CSMD2: variants seen among roughly 807,000 people sequenced by gnomAD.
The protein encoded by CSMD2 is CUB and sushi domain-containing protein 2.
A neutral mutation model predicts 398.5 loss-of-function variants in CSMD2; 130 were observed. That is an observed-to-expected ratio of 0.33 (90% CI 0.28 to 0.38). CSMD2 has a LOEUF of 0.38. CSMD2 is among the 10% of genes least tolerant of loss of function. The pLI is 1.00. For missense variants in CSMD2, 3,829 were observed against 4,764.9 expected, an observed-to-expected ratio of 0.80 and a Z score of 5.78; for synonymous variants, 1,828 against 1,908.5, an observed-to-expected ratio of 0.96 and a Z score of 1.10.
At chr1:33,754,873 A>G (rs957787699) in intron 13 of CSMD2, among the ~76,000 whole-genome samples, 12 of 152,074 alleles carry the variant, frequency 7.9e-5, no homozygotes, top group Admixed American at 7.9e-4. Flanking sequence ...TGGTGTCTTT[A>G]GTATTTGAAA....
intron 1 of CSMD2, among the ~76,000 whole-genome samples, chr1:34,091,933 C>A: frequency 6.6e-6 from 1 of 151,886 alleles, no homozygotes; most frequent in East Asian, 1.9e-4. Flanking sequence ...AAAGAGGAAG[C>A]AAAATTATGG....
At chr1:33,628,233 A>G (rs1354743317) in intron 32 of CSMD2, among the ~76,000 whole-genome samples, 1 of 152,204 alleles carries the variant, frequency 6.6e-6, no homozygotes, top group Non-Finnish European at 1.5e-5. Flanking sequence ...AAATTTGGGA[A>G]ATTCTCTCAG....
Position 33,533,637 on chromosome 1 carries a change from C to T in CSMD2, c.9991+159G>A, listed in dbSNP as rs1404960265. On this transcript the variant is annotated intron_variant, in intron 63 of 70. Coordinates refer to ENST00000373381, the MANE Select transcript of CSMD2 (RefSeq NM_001281956.2). The surrounding 1 kb of genome is among the most constrained non-coding windows in gnomAD (Gnocchi z 4.2). ...ATCAGAAAGGCTTTTGTGTGGAAGT[C>T]TTCTGTGAGGCCCCAAAGTGTAAGG... 6.6e-6 allele frequency among the ~76,000 whole-genome samples: 1 copy of T among 152,190 alleles called. No individual in the cohort carries two copies. Among genetic ancestry groups the T allele is most frequent in the African/African-American group, 2.4e-5 (1 of 41,458 alleles).
chr1:33,973,832 G>A (rs950823712), intron 3 of CSMD2, among the ~76,000 whole-genome samples: 2 of 152,176 alleles, frequency 1.3e-5, no homozygotes, highest in Admixed American at 6.5e-5. Flanking sequence ...AGTGACCAGG[G>A]CAGAGCTCAG....
intron 68 of CSMD2, among the ~76,000 whole-genome samples, chr1:33,520,973 G>C (rs1369256881): frequency 6.6e-6 from 1 of 152,256 alleles, no homozygotes; most frequent in Non-Finnish European, 1.5e-5. Context: ...GCTAGGTAAA[G>C]AGGCCAGGGA....
At chr1:34,007,482 G>A (rs192906856) in intron 3 of CSMD2, among the ~76,000 whole-genome samples, 16 of 152,260 alleles carry the variant, frequency 1.1e-4, no homozygotes. Flanking sequence ...TTAATATTCA[G>A]TGTTGGGGAG....
intron 22 of CSMD2, among the ~76,000 whole-genome samples, chr1:33,704,751 G>C (rs1468460526): frequency 6.6e-6 from 1 of 151,996 alleles, no homozygotes. Flanking sequence ...AAACCTACTT[G>C]GTCGTCTTTG....
In CSMD2 at chr1:33,633,538, G is replaced by A; in HGVS notation, c.5087-3C>T. ...GAAGGCGAACTGGCCAAACACCACT[G>A]TGGAGGAGACACAGTGTGGGGACTG... On this transcript the variant is annotated splice_polypyrimidine_tract_variant and splice_region_variant and intron_variant, in intron 31 of 70. Coordinates refer to ENST00000373381, the MANE Select transcript of CSMD2 (RefSeq NM_001281956.2). The surrounding 1 kb of genome is among the most constrained non-coding windows in gnomAD (Gnocchi z 5.0). 1 of 1,550,302 alleles carries A rather than the reference G, an allele frequency of 6.5e-7. No homozygotes were observed. Among genetic ancestry groups the A allele is most frequent in the South Asian group, 1.2e-5 (1 of 84,032 alleles).
chr1:33,851,223 G>A (rs1166993603), intron 5 of CSMD2, among the ~76,000 whole-genome samples: 1 of 152,200 alleles, frequency 6.6e-6, no homozygotes, highest in Non-Finnish European at 1.5e-5. Context: ...GATATAGGGA[G>A]TCCCTGAAAA....
At chr1:34,107,659 C>A (rs571829892) in intron 1 of CSMD2, among the ~76,000 whole-genome samples, 1 of 152,176 alleles carries the variant, frequency 6.6e-6, no homozygotes, top group South Asian at 2.1e-4. Flanking sequence ...TGAAGGATGG[C>A]CAATGTAGTA....
intron 25 of CSMD2, among the ~76,000 whole-genome samples, chr1:33,670,085 T>C (rs1644442883): frequency 1.3e-5 from 2 of 152,336 alleles, no homozygotes; most frequent in Admixed American, 6.5e-5. Context: ...TAAATTCTTC[T>C]ACCCCCTGAC....
intron 25 of CSMD2, among the ~76,000 whole-genome samples, chr1:33,669,293 G>T (rs1644414508): frequency 6.6e-6 from 1 of 152,212 alleles, no homozygotes; most frequent in East Asian, 1.9e-4. Context: ...TGGAGAAATT[G>T]AGGGAGAGAA....
At chr1:33,612,848 ATTTT>A (rs927705037) in intron 40 of CSMD2, among the ~76,000 whole-genome samples, 1 of 396 alleles carries the variant, frequency 2.5e-3, no homozygotes, top group Non-Finnish European at 5.2e-3. Context: ...GGCCCAGCTA[ATTTT>A]TTGTATTTTA....
At chr1:33,790,465 G>C (rs889457707) in intron 11 of CSMD2, among the ~76,000 whole-genome samples, 3 of 152,130 alleles carry the variant, frequency 2.0e-5, no homozygotes, top group African/African-American at 7.2e-5. Context: ...GCTCACTTCT[G>C]GCTTTTGAAC....
intron 10 of CSMD2, among the ~76,000 whole-genome samples, chr1:33,800,536 G>A (rs776366270): frequency 1.6e-4 from 24 of 152,258 alleles, no homozygotes; most frequent in Middle Eastern, 3.4e-3. Flanking sequence ...GCTTTGGAGG[G>A]GCATTGGCAG....
In CSMD2 at chr1:33,810,826, T is replaced by C; in HGVS notation, c.1363A>G (p.Ile455Val). ...ATGGGGAAATTGGGGGAGGTGATGATGCCCGAGGGGCCTCGAAGGTGGGCA... is the reference window on the plus strand; with the variant it reads ...ATGGGGAAATTGGGGGAGGTGATGACGCCCGAGGGGCCTCGAAGGTGGGCA... ...CDAHLRGPSG[I>V]ITSPNFPIQY... Residue 455 changes from isoleucine to valine, a missense_variant, in exon 10 of 71, where the codon ATC (isoleucine) becomes GTC (valine). Physicochemically the swap from Ile to Val is conservative, Grantham distance 29. This residue lies in a region of CSMD2 where 2,001 missense variants were observed against 2,567.1 expected (regional missense o/e 0.78). Coordinates refer to ENST00000373381, the MANE Select transcript of CSMD2 (RefSeq NM_001281956.2). The C allele has an allele frequency of 1.2e-6, 2 of 1,612,916 alleles. No homozygotes were observed. Among genetic ancestry groups the C allele is most frequent in the Non-Finnish European group, 8.5e-7 (1 of 1,179,538 alleles).
At chr1:33,921,164 C>T (rs888700191) in intron 4 of CSMD2, among the ~76,000 whole-genome samples, 1 of 152,122 alleles carries the variant, frequency 6.6e-6, no homozygotes, top group African/African-American at 2.4e-5. Context: ...CCTTTGCTAC[C>T]CTCAACCCAG....
In CSMD2 at chr1:33,577,283, A is replaced by G. The variant is rs1185395820; in HGVS notation, c.7576+13T>C. ...CGAGCTACCTTGTGACCCCCTTTCC[A>G]CCTGCTTCTCACCTTGACAGAGAGG... On this transcript the variant is annotated intron_variant, in intron 49 of 70. Coordinates refer to ENST00000373381, the MANE Select transcript of CSMD2 (RefSeq NM_001281956.2). The G allele has an allele frequency of 6.3e-7, 1 of 1,590,008 alleles. No individual in the cohort carries two copies. Among genetic ancestry groups the G allele is most frequent in the Non-Finnish European group, 8.6e-7 (1 of 1,164,166 alleles).
intron 22 of CSMD2, among the ~76,000 whole-genome samples, chr1:33,707,777 T>C (rs1571295836): frequency 7.2e-6 from 1 of 139,130 alleles, no homozygotes; most frequent in Admixed American, 7.3e-5. Context: ...CCCCAGGGGG[T>C]TGGCCAAGAG....
Sources: gnomAD v4.1 joint callset for allele counts (sites outside exome capture counted in the v4.1 genomes callset) on GRCh38, gnomAD v4.1.1 for gene constraint, gnomAD v4.1.1 regional missense constraint, Gnocchi (gnomAD v3.1) non-coding constraint, MANE v1.5 for transcripts, NCBI Gene and HGNC (gene_info 2026-07-23, HGNC 2026-07-21) for gene names.